Variants in SEMA3A observed in about 807,000 individuals in gnomAD.
The protein encoded by SEMA3A is semaphorin 3A.
SEMA3A carries 29 observed loss-of-function variants against 97.9 expected under a neutral mutation model. The ratio of observed to expected loss-of-function variants is 0.30; its 90% CI spans 0.22 to 0.40. The LOEUF (loss-of-function observed/expected upper bound fraction) is 0.40. Among genes scored for constraint, SEMA3A ranks in the 10% least tolerant of loss-of-function variants. SEMA3A has a pLI of 1.00. For missense variants in SEMA3A, 763 were observed against 951.3 expected, an observed-to-expected ratio of 0.80 and a Z score of 2.60; for synonymous variants, 321 against 323.7, an observed-to-expected ratio of 0.99 and a Z score of 0.09.
In SEMA3A at chr7:84,062,824, G is replaced by GC. The variant is rs532341161; in HGVS notation, c.454-2267dup. 1.4e-3 allele frequency among the ~76,000 whole-genome samples: 210 copies of GC among 151,104 alleles called. 7 individuals carry two copies. The South Asian group carries it at 0.042, about 30-fold the overall frequency. On this transcript the variant is annotated intron_variant, in intron 4 of 16. Transcript: ENST00000265362. Reference sequence around the variant, plus strand: ...CAGCAGTCTGAGATCAAACTACAAGGCCGCAGCGAGGCGGGGGGAGGGGCG... The same window carrying GC: ...CAGCAGTCTGAGATCAAACTACAAGGCCCGCAGCGAGGCGGGGGGAGGGGCG...
chr7:84,037,031 T>C (rs979865773), intron 6 of SEMA3A, among the ~76,000 whole-genome samples: 1 of 152,124 alleles, frequency 6.6e-6, no homozygotes, highest in East Asian at 1.9e-4. Context: ...TATAATCAAG[T>C]AATGACAAAA....
chr7:84,378,200 T>A (rs1404611155), intron 1 of SEMA3A, among the ~76,000 whole-genome samples: 2 of 152,098 alleles, frequency 1.3e-5, no homozygotes, highest in African/African-American at 4.8e-5. Context: ...ATGATCAATA[T>A]AATTATATTA....
At chr7:84,488,580 C>T (rs575015238) in intron 1 of SEMA3A, among the ~76,000 whole-genome samples, 16 of 151,986 alleles carry the variant, frequency 1.1e-4, no homozygotes, top group African/African-American at 3.4e-4. Flanking sequence ...AGCCAGACAT[C>T]GCTGGGTTGG....
chr7:84,296,319 G>A (rs561419677), intron 3 of SEMA3A, among the ~76,000 whole-genome samples: 11 of 152,110 alleles, frequency 7.2e-5, no homozygotes, highest in Non-Finnish European at 1.6e-4. Flanking sequence ...CAAAATGGCC[G>A]CTTCACATGT....
At chr7:84,108,702 C>T (rs186046424) in intron 4 of SEMA3A, among the ~76,000 whole-genome samples, 2 of 152,012 alleles carry the variant, frequency 1.3e-5, no homozygotes, top group Admixed American at 6.6e-5. Flanking sequence ...GCTAGGAGTT[C>T]GAGACCAGCC....
chr7:84,392,757 T>C (rs1306373689), intron 1 of SEMA3A, among the ~76,000 whole-genome samples: 1 of 152,178 alleles, frequency 6.6e-6, no homozygotes, highest in African/African-American at 2.4e-5. Context: ...AGGTGTTAAA[T>C]CTTTGTGGTT....
intron 1 of SEMA3A, among the ~76,000 whole-genome samples, chr7:84,139,178 C>A (rs1796227142): frequency 6.6e-6 from 1 of 152,006 alleles, no homozygotes; most frequent in Non-Finnish European, 1.5e-5. Flanking sequence ...TTACATCTTG[C>A]CTATGCTCAT....
At chr7:84,470,592 G>C (rs1008725418) in intron 1 of SEMA3A, among the ~76,000 whole-genome samples, 1 of 152,080 alleles carries the variant, frequency 6.6e-6, no homozygotes, top group Non-Finnish European at 1.5e-5. Flanking sequence ...AACTGTGACT[G>C]TCAGTTGATG....
At chr7:83,966,733 C>T (rs1368876706) in intron 15 of SEMA3A, among the ~76,000 whole-genome samples, 3 of 149,776 alleles carry the variant, frequency 2.0e-5, no homozygotes, top group Non-Finnish European at 4.4e-5. Context: ...TTTTTTGAGA[C>T]GGAGTTTCCC....
chr7:84,387,013 A>T (rs994351710), intron 1 of SEMA3A, among the ~76,000 whole-genome samples: 3 of 47,870 alleles, frequency 6.3e-5, no homozygotes, highest in Non-Finnish European at 1.1e-4. Flanking sequence ...AAAAGAAAAT[A>T]ATAATAATAA....
At chr7:84,360,843 G>C (rs1016174500) in intron 2 of SEMA3A, among the ~76,000 whole-genome samples, 5 of 151,676 alleles carry the variant, frequency 3.3e-5, no homozygotes, top group African/African-American at 9.7e-5. Context: ...ACCCAGGCTG[G>C]AGTGCAGTGG....
chr7:83,994,388 T>C (rs201524291), intron 12 of SEMA3A, among the ~76,000 whole-genome samples: 66,958 of 110,316 alleles, frequency 0.61, 26,296 homozygotes, highest in Non-Finnish European at 0.66. Context: ...GGAGGAGAGG[T>C]GCTCTGCTTT....
At chr7:84,205,768 T>G (rs1016390410) in intron 3 of SEMA3A, among the ~76,000 whole-genome samples, 1 of 152,202 alleles carries the variant, frequency 6.6e-6, no homozygotes, top group African/African-American at 2.4e-5. Context: ...ATCCAGAATT[T>G]TGAAAGTTCA....
intron 14 of SEMA3A, 60 bp downstream of exon 14, chr7:83,981,261 A>T (rs546200170): frequency 1.3e-6 from 2 of 1,573,572 alleles, no homozygotes; most frequent in East Asian, 4.7e-5. Context: ...AGCTATTTCA[A>T]ACTTGGAATC....
At chr7:84,319,193 C>T (rs1019839590) in intron 2 of SEMA3A, among the ~76,000 whole-genome samples, 2 of 151,982 alleles carry the variant, frequency 1.3e-5, no homozygotes, top group Non-Finnish European at 2.9e-5. Flanking sequence ...GAAAATTATT[C>T]GACCTGATTG....
At chr7:84,005,207 A>AAAGT in intron 11 of SEMA3A, 132 bp downstream of exon 11, 2 of 661,388 alleles carry the variant, frequency 3.0e-6, no homozygotes, top group Non-Finnish European at 2.7e-6. Flanking sequence ...GGGGAAATCA[A>AAAGT]AAGTTAGTTA....
intron 15 of SEMA3A, among the ~76,000 whole-genome samples, chr7:83,973,934 AATC>A (rs1243990887): frequency 6.6e-6 from 1 of 151,312 alleles, no homozygotes; most frequent in African/African-American, 2.4e-5. Context: ...TGGACATGTA[AATC>A]ATAATATGGC....
intron 3 of SEMA3A, among the ~76,000 whole-genome samples, chr7:84,211,373 G>A (rs1182394656): frequency 1.3e-5 from 2 of 152,056 alleles, no homozygotes; most frequent in African/African-American, 4.8e-5. Flanking sequence ...CACTTTGGGA[G>A]GCCAAGGCGG....
chr7:84,006,535 A>C (rs1322504614), intron 10 of SEMA3A, among the ~76,000 whole-genome samples: 1 of 151,988 alleles, frequency 6.6e-6, no homozygotes, highest in African/African-American at 2.4e-5. Context: ...TCTGGATGTA[A>C]ACACTCCATG....
Sources: allele counts gnomAD v4.1 joint callset (sites outside exome capture counted in the v4.1 genomes callset), GRCh38; gene constraint gnomAD v4.1.1; transcripts MANE v1.5; gene names NCBI Gene and HGNC (gene_info 2026-07-23, HGNC 2026-07-21).